ESRRG: variants seen among roughly 807,000 people sequenced by gnomAD.
The protein encoded by ESRRG is estrogen-related receptor gamma.
Under a neutral mutation model 44.0 loss-of-function variants are expected in ESRRG, and 13 were observed. That is an observed-to-expected ratio of 0.30 (90% CI 0.19 to 0.47). The LOEUF is 0.47. Ranked by LOEUF, ESRRG falls within the 20% of genes least tolerant of loss-of-function variation. The pLI is 1.00. For missense variants in ESRRG, 395 were observed against 580.6 expected (o/e 0.68, Z 3.29); for synonymous variants, 215 against 214.6 (o/e 1.00, Z -0.02).
chr1:216,901,634 G>T (rs368486413), intron 2 of ESRRG, among the ~76,000 whole-genome samples: 2 of 152,072 alleles, frequency 1.3e-5, no homozygotes, highest in Non-Finnish European at 2.9e-5. Flanking sequence ...GCCTCCCAAA[G>T]TATTGGGGTT....
chr1:216,783,727 A>G (rs914932000), intron 2 of ESRRG, among the ~76,000 whole-genome samples: 2 of 151,910 alleles, frequency 1.3e-5, no homozygotes, highest in African/African-American at 4.8e-5. Flanking sequence ...TACTGCAGTA[A>G]TATCTAGAAT....
chr1:216,832,972 CAA>C (rs59196564), intron 2 of ESRRG, among the ~76,000 whole-genome samples: 2 of 138,716 alleles, frequency 1.4e-5, no homozygotes, highest in African/African-American at 2.6e-5. Context: ...GGGACTCAGT[CAA>C]AAAAAAAAAA....
intron 2 of ESRRG, among the ~76,000 whole-genome samples, chr1:216,674,615 C>CTTTTTTTTTTTTTTTTTTTTATTT (rs5780904): frequency 7.8e-6 from 1 of 127,936 alleles, no homozygotes. Flanking sequence ...TTTGGGTAAA[C>CTTTTTTTTTTTTTTTTTTTTATTT]TTTTTTTTTT....
chr1:216,600,154 T>C (rs567401090), intron 3 of ESRRG, among the ~76,000 whole-genome samples: 1 of 152,336 alleles, frequency 6.6e-6, no homozygotes, highest in African/African-American at 2.4e-5. Flanking sequence ...TACGTTATTT[T>C]TCTTTTAAAT....
intron 2 of ESRRG, among the ~76,000 whole-genome samples, chr1:216,821,696 ATAAATAAAT>A: frequency 1.0e-5 from 1 of 96,738 alleles, no homozygotes; most frequent in Admixed American, 1.0e-4. Flanking sequence ...GGAAAAATAA[ATAAATAAAT>A]AAATAAATAA....
chr1:216,987,343 C>T (rs763429699), intron 1 of ESRRG, among the ~76,000 whole-genome samples: 1 of 152,222 alleles, frequency 6.6e-6, no homozygotes, highest in Non-Finnish European at 1.5e-5. Context: ...GAATACAATG[C>T]TAGTGGCACC....
At chr1:216,820,538 C>G (rs2095263695) in intron 2 of ESRRG, among the ~76,000 whole-genome samples, 1 of 152,044 alleles carries the variant, frequency 6.6e-6, no homozygotes, top group Non-Finnish European at 1.5e-5. Flanking sequence ...AATTCCCATG[C>G]CAGTAAGCCT....
rs1019085075 is a variant in ESRRG at position 216,506,531 on chromosome 1, A to G, written c.*408T>C. The G allele has an allele frequency of 4.0e-5, 17 of 425,350 alleles. No homozygotes were observed. The highest frequency in any genetic ancestry group is 7.4e-5 in the Non-Finnish European group (16 of 217,462). The allele number at this position is 425,350 out of a possible 1,614,324, so 26.3% of individuals were successfully genotyped here. On this transcript the variant is annotated 3_prime_UTR_variant, in exon 7 of 7. Transcript: ENST00000408911. ...GGAAGGGAGGATTTTTTTTTAAACT[A>G]AAGCTATTTCAAATTTAGAAAAAAG...
At position 216,506,942 on chromosome 1, in the gene ESRRG, G is replaced by A. The variant is rs1478518540; in HGVS notation, c.1374C>T (p.Val458=). 14 of 1,613,520 alleles carry A rather than the reference G, an allele frequency of 8.7e-6. No individual in the cohort carries two copies. The highest frequency in any genetic ancestry group is 2.2e-5 in the South Asian group (2 of 91,024). ...KLFLEMLEAK[V] ...GGAAGGCCCAGGGAGCTTTTAGTCA[G>A]ACCTTGGCCTCCAACATTTCCAAAA... is the stretch of plus-strand genomic sequence containing the variant. The change falls in exon 7 of 7, where the codon GTC becomes GTT. Residue 458 remains valine (V), a synonymous_variant. Coordinates refer to ENST00000408911, the MANE Select transcript of ESRRG (RefSeq NM_001438.4).
chr1:216,850,721 G>A (rs1216120294), intron 2 of ESRRG, among the ~76,000 whole-genome samples: 1 of 151,956 alleles, frequency 6.6e-6, no homozygotes, highest in Non-Finnish European at 1.5e-5. Flanking sequence ...AACTCTTCCT[G>A]TGATCTGTAA....
chr1:217,117,985 C>T (rs2092759653), intron 1 of ESRRG, among the ~76,000 whole-genome samples: 1 of 152,154 alleles, frequency 6.6e-6, no homozygotes, highest in African/African-American at 2.4e-5. Context: ...ATCTTTGTCA[C>T]CATAAAGTCC....
chr1:216,917,161 T>C (rs1257966452), intron 2 of ESRRG, among the ~76,000 whole-genome samples: 1 of 149,238 alleles, frequency 6.7e-6, no homozygotes. Context: ...AGACTTTCTT[T>C]TTTTTTTTTT....
In ESRRG at chr1:216,567,325, C is replaced by T. The variant is rs184085651; in HGVS notation, c.700+663G>A. On this transcript the variant is annotated intron_variant, in intron 4 of 6. Transcript: ENST00000408911. ...TTCGTTAATGACAAAAAGAATGGGG[C>T]TTGCATTTTAGCAATGTACCAGTCA... 2.6e-5 allele frequency among the ~76,000 whole-genome samples: 4 copies of T among 152,286 alleles called. No individual in the cohort carries two copies. In the East Asian group the frequency reaches 7.7e-4, roughly 29 times the overall value.
intron 5 of ESRRG, among the ~76,000 whole-genome samples, chr1:216,559,259 A>G (rs1417439698): frequency 1.3e-5 from 2 of 152,214 alleles, no homozygotes; most frequent in African/African-American, 4.8e-5. Context: ...TAACTAAAAG[A>G]CTTAACTACT....
chr1:216,596,240 C>A (rs888207117), intron 3 of ESRRG, among the ~76,000 whole-genome samples: 1 of 152,208 alleles, frequency 6.6e-6, no homozygotes, highest in African/African-American at 2.4e-5. Flanking sequence ...ACTGCGAGAG[C>A]TTTTCATCTT....
At chr1:216,860,749 G>C (rs1010559792) in intron 2 of ESRRG, among the ~76,000 whole-genome samples, 2 of 152,106 alleles carry the variant, frequency 1.3e-5, no homozygotes, top group African/African-American at 4.8e-5. Flanking sequence ...GGAAGTCCTT[G>C]TTACAGAAAG....
At chr1:216,667,018 T>C (rs1280752340) in intron 2 of ESRRG, among the ~76,000 whole-genome samples, 1 of 152,016 alleles carries the variant, frequency 6.6e-6, no homozygotes, top group Non-Finnish European at 1.5e-5. Flanking sequence ...AACAGGTACG[T>C]TTGAGTAACC....
chr1:216,594,241 G>A (rs1199536974), intron 3 of ESRRG, among the ~76,000 whole-genome samples: 1 of 152,088 alleles, frequency 6.6e-6, no homozygotes, highest in Non-Finnish European at 1.5e-5. Flanking sequence ...ATGTCTAAAT[G>A]AGATGAGGTG....
intron 1 of ESRRG, among the ~76,000 whole-genome samples, chr1:216,996,901 T>C (rs1227709890): frequency 6.6e-6 from 1 of 152,112 alleles, no homozygotes; most frequent in Non-Finnish European, 1.5e-5. Context: ...CTTTTGCAAG[T>C]TGGAAAGAAT....
Sources: gnomAD v4.1 joint callset for allele counts (sites outside exome capture counted in the v4.1 genomes callset) on GRCh38, gnomAD v4.1.1 for gene constraint, MANE v1.5 for transcripts, NCBI Gene and HGNC (gene_info 2026-07-23, HGNC 2026-07-21) for gene names.